FSTL4: variants seen among roughly 807,000 people sequenced by gnomAD.
The protein encoded by FSTL4 is follistatin-related protein 4.
A neutral mutation model predicts 78.2 loss-of-function variants in FSTL4; 28 were observed. That is an observed-to-expected ratio of 0.36 (90% CI 0.27 to 0.49). The LOEUF (loss-of-function observed/expected upper bound fraction) is 0.49. Among genes scored for constraint, FSTL4 ranks in the 20% least tolerant of loss-of-function variants. The pLI, the probability that FSTL4 is intolerant of heterozygous loss-of-function variation, is 0.98. For missense variants in FSTL4, 922 were observed against 1,084.9 expected (o/e 0.85, Z 2.11); for synonymous variants, 422 against 440.5 (o/e 0.96, Z 0.53).
At chr5:133,456,327 G>A (rs920419077) in intron 3 of FSTL4, among the ~76,000 whole-genome samples, 3 of 152,212 alleles carry the variant, frequency 2.0e-5, no homozygotes, top group African/African-American at 7.2e-5. Context: ...GGCCATGCTC[G>A]GACTGGACGC....
chr5:133,569,384 T>C (rs541651933), intron 2 of FSTL4, among the ~76,000 whole-genome samples: 91 of 152,388 alleles, frequency 6.0e-4, no homozygotes, highest in African/African-American at 2.1e-3. Context: ...AGTGACAGGC[T>C]GGCTTTTAGC....
At chr5:133,490,786 A>T (rs547799963) in intron 3 of FSTL4, among the ~76,000 whole-genome samples, 57 of 152,238 alleles carry the variant, frequency 3.7e-4, no homozygotes, top group Non-Finnish European at 7.3e-4. Context: ...TGTGGCCAAG[A>T]ATGTGGCTAA....
intron 2 of FSTL4, among the ~76,000 whole-genome samples, chr5:133,599,550 G>A (rs1470112528): frequency 6.6e-6 from 1 of 152,182 alleles, no homozygotes; most frequent in Non-Finnish European, 1.5e-5. Flanking sequence ...ATTTAAGAAA[G>A]AATCAATATT....
chr5:133,197,028 ACTC>A lies in FSTL4; in HGVS notation c.*2064_*2066del, dbSNP rs1181128210. On this transcript the variant is annotated 3_prime_UTR_variant, in exon 16 of 16. Coordinates refer to ENST00000265342, the MANE Select transcript of FSTL4 (RefSeq NM_015082.2). ...GGAGAAGCAGGTGCTGCAGAAGTTG[ACTC>A]TGTCACTCCTGATTATTTTAAAAGG... 2 of 151,976 alleles carry A rather than the reference ACTC, an allele frequency of 1.3e-5. No homozygotes were observed. Among genetic ancestry groups the A allele is most frequent in the Non-Finnish European group, 2.9e-5 (2 of 68,008 alleles). The allele number at this position is 151,976 out of a possible 1,614,324, so 9.4% of individuals were successfully genotyped here. A position where few individuals can be genotyped will look rare whatever the true frequency, so the allele number is the denominator to read the frequency against.
chr5:133,660,221 G>A, the FSTL4 span, among the ~76,000 whole-genome samples: 1 of 152,174 alleles, frequency 6.6e-6, no homozygotes, highest in East Asian at 1.9e-4. Flanking sequence ...TGGAGACAAA[G>A]CAGTGAAGAA....
the FSTL4 span, among the ~76,000 whole-genome samples, chr5:133,703,106 A>G: frequency 6.6e-6 from 1 of 152,220 alleles, no homozygotes; most frequent in African/African-American, 2.4e-5. Context: ...TTAACTGGAG[A>G]TGGATAATAT....
intron 3 of FSTL4, among the ~76,000 whole-genome samples, chr5:133,483,879 A>T (rs1196020334): frequency 6.6e-6 from 1 of 152,102 alleles, no homozygotes; most frequent in Non-Finnish European, 1.5e-5. Context: ...TGCACTACAG[A>T]GGTGCTGGCT....
intron 4 of FSTL4, among the ~76,000 whole-genome samples, chr5:133,348,556 C>T (rs1480248394): frequency 1.3e-5 from 2 of 152,236 alleles, no homozygotes; most frequent in Non-Finnish European, 2.9e-5. Context: ...CCTGTGAGAG[C>T]CCCCAAGTCT....
intron 3 of FSTL4, among the ~76,000 whole-genome samples, chr5:133,443,663 G>T (rs1433739986): frequency 6.6e-6 from 1 of 152,192 alleles, no homozygotes; most frequent in Non-Finnish European, 1.5e-5. Context: ...CAGCCTGTCT[G>T]TGGGTTCAGC....
intron 4 of FSTL4, among the ~76,000 whole-genome samples, chr5:133,378,520 C>A (rs547594422): frequency 1.2e-4 from 18 of 152,182 alleles, no homozygotes; most frequent in African/African-American, 4.1e-4. Context: ...CTCATTTATT[C>A]CCTCAGCTTC....
At chr5:133,207,012 G>GC (rs1750537436) in intron 14 of FSTL4, among the ~76,000 whole-genome samples, 1 of 151,994 alleles carries the variant, frequency 6.6e-6, no homozygotes, top group African/African-American at 2.4e-5. Context: ...ATATATCCAG[G>GC]AATGTTTTCT....
rs552675994 is a variant in FSTL4, at chr5:133,302,957, A to C, written c.727+9697T>G. ...CCAGGCTGAATGCCCACCACATGGA[A>C]AGTGCTAGGCTCCTCTTCCCTGCTC... On this transcript the variant is annotated intron_variant, in intron 6 of 15. Transcript: ENST00000265342. Among the ~76,000 whole-genome samples, 39 of 152,338 alleles carry C rather than the reference A, an allele frequency of 2.6e-4. 2 individuals carry two copies. The South Asian group carries it at 7.9e-3, about 31-fold the overall frequency.
At chr5:133,277,224 A>G (rs1006954708) in intron 6 of FSTL4, among the ~76,000 whole-genome samples, 2 of 152,182 alleles carry the variant, frequency 1.3e-5, no homozygotes, top group Non-Finnish European at 2.9e-5. Context: ...GCTTAGGCAG[A>G]ATTGCTTGAA....
intron 2 of FSTL4, among the ~76,000 whole-genome samples, chr5:133,577,569 C>T (rs1760311156): frequency 6.6e-6 from 1 of 152,192 alleles, no homozygotes; most frequent in Admixed American, 6.5e-5. Context: ...CCAGCCCTGC[C>T]TAGGAGTTGC....
chr5:133,371,959 T>C (rs543698041), intron 4 of FSTL4, among the ~76,000 whole-genome samples: 10 of 152,312 alleles, frequency 6.6e-5, no homozygotes, highest in African/African-American at 2.2e-4. Context: ...GCCCCAGCTG[T>C]TGGAAGGCTC....
chr5:133,352,321 TATATACACACATATATATATACAC>T (rs1580642020), intron 4 of FSTL4, among the ~76,000 whole-genome samples: 3 of 89,742 alleles, frequency 3.3e-5, no homozygotes, highest in South Asian at 3.3e-4. Context: ...TACACACATA[TATATACACACATATATATATACAC>T]ATATATATAC....
chr5:133,826,550 G>A, the FSTL4 span, among the ~76,000 whole-genome samples: 3 of 152,258 alleles, frequency 2.0e-5, no homozygotes, highest in East Asian at 5.8e-4. Context: ...CTCTGCCTCT[G>A]TGGCCACACT....
the FSTL4 span, among the ~76,000 whole-genome samples, chr5:133,726,503 T>C: frequency 6.6e-6 from 1 of 152,226 alleles, no homozygotes; most frequent in Non-Finnish European, 1.5e-5. Context: ...CTCCAGAAGA[T>C]GTTACTGCTA....
chr5:133,289,478 C>G lies in FSTL4; in HGVS notation c.727+23176G>C, dbSNP rs114723049. 9.3e-3 allele frequency among the ~76,000 whole-genome samples: 1,421 copies of G among 152,340 alleles called. 14 individuals carry two copies. Among genetic ancestry groups the G allele is most frequent in the Non-Finnish European group, 0.016 (1,075 of 68,030 alleles). On this transcript the variant is annotated intron_variant, in intron 6 of 15. Coordinates refer to ENST00000265342, the MANE Select transcript of FSTL4 (RefSeq NM_015082.2). The stretch of plus-strand genomic sequence containing the variant: ...CATACCTCCTTCTTGCCTGGGAGCC[C>G]CACTTCCCTAGATGGGTCAGGAGCT...
Sources: gnomAD v4.1 joint callset for allele counts (sites outside exome capture counted in the v4.1 genomes callset) on GRCh38, gnomAD v4.1.1 for gene constraint, MANE v1.5 for transcripts, NCBI Gene and HGNC (gene_info 2026-07-23, HGNC 2026-07-21) for gene names.